B4GALT4: variants seen among roughly 807,000 people sequenced by gnomAD.
The protein encoded by B4GALT4 is N-acetyllactosamine synthase.
B4GALT4 carries 27 observed loss-of-function variants against 37.3 expected under a neutral mutation model. The observed-to-expected ratio is 0.72, with a 90% CI of 0.53 to 1.00. The LOEUF is 1.00. B4GALT4 is among the 50% of genes least tolerant of loss of function. The pLI is 0.00. For missense variants in B4GALT4, 372 were observed against 413.1 expected (o/e 0.90, Z 0.86); for synonymous variants, 148 against 154.1 (o/e 0.96, Z 0.29).
chr3:119,217,842 C>CA lies in B4GALT4; in HGVS notation c.797+807dup, dbSNP rs57522373. Among the ~76,000 whole-genome samples the CA allele has an allele frequency of 1.9e-3, 165 of 87,640 alleles. 2 individuals are homozygous for CA. The highest frequency in any genetic ancestry group is 5.5e-3 in the African/African-American group (119 of 21,738). The allele number at this position is 87,640 out of a possible 152,430, so 57.5% of individuals were successfully genotyped here. A position where few individuals can be genotyped will look rare whatever the true frequency, so the allele number is the denominator to read the frequency against. On this transcript the variant is annotated intron_variant, in intron 6 of 7. Transcript: ENST00000393765. ...TGGGTGACAGAGCGAGACTTTGTCT[C>CA]AAAAAAAAAAAAAAAAAAAAAAAGA...
At chr3:119,239,886 C>G (rs957375479) in intron 1 of B4GALT4, 1 of 152,100 alleles carries the variant, frequency 6.6e-6, no homozygotes, top group Non-Finnish European at 1.5e-5. Flanking sequence ...TCGGGAATAG[C>G]CCTCCCTTCT....
chr3:119,236,668 ACAT>A (rs2078995603), intron 2 of B4GALT4, among the ~76,000 whole-genome samples, 182 bp downstream of exon 2: 2 of 152,360 alleles, frequency 1.3e-5, no homozygotes, highest in South Asian at 4.1e-4. Context: ...ACACAAGGAC[ACAT>A]CATAATTCCA....
intron 2 of B4GALT4, among the ~76,000 whole-genome samples, chr3:119,234,231 C>T (rs746838762): frequency 3.9e-5 from 6 of 152,248 alleles, no homozygotes; most frequent in African/African-American, 1.4e-4. Context: ...GATTCTCCTG[C>T]CTCAGCCTCC....
chr3:119,216,566 C>G (rs976731325), intron 6 of B4GALT4, among the ~76,000 whole-genome samples: 4 of 150,890 alleles, frequency 2.7e-5, no homozygotes, highest in African/African-American at 9.8e-5. Context: ...GGCGATAAGC[C>G]CAAAAAAGAA....
At chr3:119,237,825 G>A (rs1429356621) in intron 1 of B4GALT4, among the ~76,000 whole-genome samples, 1 of 152,138 alleles carries the variant, frequency 6.6e-6, no homozygotes, top group African/African-American at 2.4e-5. Context: ...ACCAAAAATT[G>A]AAGAGTCTAA....
At chr3:119,227,752 C>T (rs1000731267) in intron 3 of B4GALT4, among the ~76,000 whole-genome samples, 28 of 152,176 alleles carry the variant, frequency 1.8e-4, no homozygotes, top group African/African-American at 5.5e-4. Flanking sequence ...CTAAATTCCA[C>T]GTATACTGGT....
At chr3:119,222,732 T>C (rs2078486083) in intron 5 of B4GALT4, among the ~76,000 whole-genome samples, 1 of 152,242 alleles carries the variant, frequency 6.6e-6, no homozygotes, top group Non-Finnish European at 1.5e-5. Flanking sequence ...TGGCATGTCT[T>C]GGAACTCTGC....
rs1204384350 is a variant in B4GALT4 at position 119,230,326 on chromosome 3, C to G, written c.-145-82G>C. 5.1e-6 allele frequency: 3 copies of G among 592,412 alleles called. No individual in the cohort carries two copies. The African/African-American group carries it at 5.6e-5, about 11-fold the overall frequency. 36.7% of individuals were successfully genotyped at this position (592,412 alleles called of 1,614,324 possible). Reference sequence around the variant, plus strand: ...ATTCACTCCAGCACAAACTGAAAACCCATCCCCGATGGACCTTGACTAACC... The same window carrying G: ...ATTCACTCCAGCACAAACTGAAAACGCATCCCCGATGGACCTTGACTAACC... On this transcript the variant is annotated intron_variant, in intron 2 of 7. Coordinates refer to ENST00000393765, the MANE Select transcript of B4GALT4 (RefSeq NM_003778.4).
intron 2 of B4GALT4, among the ~76,000 whole-genome samples, chr3:119,234,166 G>A (rs997458946): frequency 3.3e-5 from 5 of 151,816 alleles, no homozygotes; most frequent in Non-Finnish European, 5.9e-5. Context: ...CGGCCTGGCC[G>A]GAGTGCAGTG....
chr3:119,222,436 C>G (rs1211836047), intron 5 of B4GALT4, among the ~76,000 whole-genome samples: 1 of 152,162 alleles, frequency 6.6e-6, no homozygotes, highest in Non-Finnish European at 1.5e-5. Context: ...CAGCCCCCGC[C>G]CTAACTCAGA....
At position 119,230,018 on chromosome 3, in the gene B4GALT4, AC is replaced by A. The variant is rs764357413; in HGVS notation, c.81del (p.Trp28GlyfsTer36). 1 of 1,614,072 alleles carries A rather than the reference AC, an allele frequency of 6.2e-7. No individual in the cohort carries two copies. Among genetic ancestry groups the A allele is most frequent in the African/African-American group, 1.3e-5 (1 of 74,920 alleles). On this transcript the variant is annotated frameshift_variant, in exon 3 of 8. Coordinates refer to ENST00000393765, the MANE Select transcript of B4GALT4 (RefSeq NM_003778.4). LOFTEE classifies it high-confidence loss of function. ...LLLTLCLTVVGWATSNYFVGA... is the reference protein window; with the variant it reads ...LLLTLCLTVVXWATSNYFVGA... ...CCCACGAAGTAGTTACTGGTGGCCC[AC>A]CCAACCACTGTCAGGCACAAAGTCA... is the stretch of plus-strand genomic sequence containing the variant.
intron 2 of B4GALT4, chr3:119,230,498 G>C (rs2078774914): frequency 4.4e-6 from 1 of 225,030 alleles, no homozygotes; most frequent in Non-Finnish European, 8.8e-6. Flanking sequence ...CCAAATGTTG[G>C]ACAGAACAAA....
intron 3 of B4GALT4, among the ~76,000 whole-genome samples, chr3:119,229,266 G>A (rs552831992): frequency 6.6e-6 from 1 of 152,160 alleles, no homozygotes; most frequent in African/African-American, 2.4e-5. Flanking sequence ...GAGGACAGGA[G>A]GCACATGGGG....
intron 3 of B4GALT4, 31 bp downstream of exon 3, chr3:119,229,816 T>C (rs745325529): frequency 5.6e-6 from 9 of 1,605,900 alleles, no homozygotes; most frequent in African/African-American, 5.4e-5. Context: ...GTTTGCATAC[T>C]ACTTAATCAA....
chr3:119,223,843 C>A (rs1387535546), intron 5 of B4GALT4, among the ~76,000 whole-genome samples: 1 of 152,238 alleles, frequency 6.6e-6, no homozygotes, highest in Admixed American at 6.5e-5. Flanking sequence ...CTCTCCAATG[C>A]TTTCCCTTGT....
chr3:119,230,760 A>G (rs960783449), intron 2 of B4GALT4, among the ~76,000 whole-genome samples: 9 of 152,244 alleles, frequency 5.9e-5, no homozygotes, highest in African/African-American at 2.2e-4. Context: ...ATATTCTCAA[A>G]GAGGCACTGG....
At chr3:119,225,613 G>A (rs1385361746) in intron 4 of B4GALT4, among the ~76,000 whole-genome samples, 1 of 150,834 alleles carries the variant, frequency 6.6e-6, no homozygotes, top group Non-Finnish European at 1.5e-5. Flanking sequence ...ATTTTTAGTA[G>A]AGACAGGGTT....
chr3:119,217,480 T>C (rs1420970468), intron 6 of B4GALT4, among the ~76,000 whole-genome samples: 1 of 152,172 alleles, frequency 6.6e-6, no homozygotes, highest in Non-Finnish European at 1.5e-5. Context: ...CCCTGGGTTC[T>C]TTATGATGAG....
chr3:119,213,860 T>A (rs575555188), intron 7 of B4GALT4: 2 of 152,058 alleles, frequency 1.3e-5, no homozygotes, highest in Non-Finnish European at 2.9e-5. Flanking sequence ...ACATAGAAAA[T>A]AGAAATAGCT....
Sources: gnomAD v4.1 joint callset for allele counts (sites outside exome capture counted in the v4.1 genomes callset) on GRCh38, gnomAD v4.1.1 for gene constraint, MANE v1.5 for transcripts, NCBI Gene and HGNC (gene_info 2026-07-23, HGNC 2026-07-21) for gene names.